Variants in RAPGEF2 observed in about 807,000 individuals in gnomAD.
RAPGEF2 encodes the protein PDZ domain containing guanine nucleotide exchange factor (GEF) 1.
Under a neutral mutation model 186.7 loss-of-function variants are expected in RAPGEF2, and 54 were observed. That is an observed-to-expected ratio of 0.29 (90% CI 0.23 to 0.36). RAPGEF2 has a LOEUF of 0.36. Among genes scored for constraint, RAPGEF2 ranks in the 10% least tolerant of loss-of-function variants. The pLI, the probability that RAPGEF2 is intolerant of heterozygous loss-of-function variation, is 1.00. For missense variants in RAPGEF2, 1,532 were observed against 2,045.0 expected, an observed-to-expected ratio of 0.75 and a Z score of 4.84; for synonymous variants, 712 against 705.9, an observed-to-expected ratio of 1.01 and a Z score of -0.14.
rs186993675 is a variant in RAPGEF2 at position 159,342,117 on chromosome 4, G to A, written c.2918+170G>A. 3.6e-3 allele frequency among the ~76,000 whole-genome samples: 540 copies of A among 149,188 alleles called. 8 individuals are homozygous for A. Among genetic ancestry groups the A allele is most frequent in the Admixed American group, 0.03 (452 of 15,028 alleles). On this transcript the variant is annotated intron_variant, in intron 20 of 29. Coordinates refer to ENST00000691494, the MANE Select transcript of RAPGEF2 (RefSeq NM_001394067.2). ...CTTAATCCTTAATTTAAAATCTCTC[G>A]TATCAAAAAAACAGCTGTGCCAACC...
At chr4:159,263,847 A>T (rs1432750148) in intron 7 of RAPGEF2, among the ~76,000 whole-genome samples, 1 of 152,176 alleles carries the variant, frequency 6.6e-6, no homozygotes, top group Non-Finnish European at 1.5e-5. Context: ...TAATGATATT[A>T]AATATAGCCT....
chr4:159,330,433 T>A lies in RAPGEF2; in HGVS notation c.1402T>A (p.Ser468Thr), dbSNP rs1050652478. The A allele has an allele frequency of 6.2e-7, 1 of 1,609,256 alleles. No homozygotes were observed. Among genetic ancestry groups the A allele is most frequent in the Non-Finnish European group, 8.5e-7 (1 of 1,178,768 alleles). The change falls in exon 13 of 30, where the codon TCT becomes ACT. Residue 468 changes from serine to threonine, a missense_variant. Ser to Thr is a moderately conservative substitution (Grantham distance 58). Transcript: ENST00000691494. ...DFLLTYRTFLSSPMEVGKKLL... is the reference protein window; with the variant it reads ...DFLLTYRTFLTSPMEVGKKLL... The stretch of plus-strand genomic sequence containing the variant: ...TCTGTTGACCTATAGGACTTTTCTT[T>A]CTAGCCCAATGGAAGTGGGCAAAAA...
At position 159,104,668 on chromosome 4, in the gene RAPGEF2, C is replaced by T. The variant is rs1332756396; in HGVS notation, c.69+437C>T. Among the ~76,000 whole-genome samples the T allele has an allele frequency of 5.3e-5, 8 of 152,126 alleles. No individual in the cohort carries two copies. In the East Asian group the frequency reaches 1.2e-3, roughly 22 times the overall value. On this transcript the variant is annotated intron_variant, in intron 1 of 29. Coordinates refer to ENST00000691494, the MANE Select transcript of RAPGEF2 (RefSeq NM_001394067.2). The stretch of plus-strand genomic sequence containing the variant: ...GGATGGAGTCTCATCTCCCCTCGGG[C>T]AGCGACTCTTGCTCCCTCTGACTCC...
intron 8 of RAPGEF2, among the ~76,000 whole-genome samples, chr4:159,312,014 G>A (rs1261685700): frequency 6.6e-6 from 1 of 152,136 alleles, no homozygotes; most frequent in Non-Finnish European, 1.5e-5. Context: ...TTTAAATAAA[G>A]TGGAAGGTTC....
At chr4:159,262,304 C>T (rs1756966042) in intron 7 of RAPGEF2, among the ~76,000 whole-genome samples, 1 of 152,122 alleles carries the variant, frequency 6.6e-6, no homozygotes, top group Admixed American at 6.5e-5. Flanking sequence ...TCATTGTGCT[C>T]ATGCAACATA....
chr4:159,163,930 C>T (rs1579344573), intron 1 of RAPGEF2, among the ~76,000 whole-genome samples: 1 of 151,866 alleles, frequency 6.6e-6, no homozygotes, highest in South Asian at 2.1e-4. Context: ...CATATCAGGG[C>T]TACTTGTGAG....
At chr4:159,242,318 C>T (rs1038232989) in intron 6 of RAPGEF2, among the ~76,000 whole-genome samples, 60 of 151,668 alleles carry the variant, frequency 4.0e-4, no homozygotes, top group African/African-American at 1.4e-3. Context: ...TAATTAACAA[C>T]TATTTTACAT....
intron 4 of RAPGEF2, among the ~76,000 whole-genome samples, chr4:159,213,598 C>T (rs1750728934): frequency 6.6e-6 from 1 of 152,168 alleles, no homozygotes; most frequent in South Asian, 2.1e-4. Context: ...TGTCATTTGG[C>T]TTCCAGATTT....
chr4:159,249,708 T>A (rs544027804), intron 7 of RAPGEF2, among the ~76,000 whole-genome samples: 87 of 152,162 alleles, frequency 5.7e-4, no homozygotes, highest in Middle Eastern at 3.4e-3. Flanking sequence ...ACTTTTTTTT[T>A]AAAAACTGAT....
chr4:159,248,591 A>G (rs912239004), intron 7 of RAPGEF2, among the ~76,000 whole-genome samples: 6 of 152,202 alleles, frequency 3.9e-5, no homozygotes, highest in African/African-American at 1.2e-4. Flanking sequence ...ATTTCTGGCA[A>G]AATGCAGCAT....
intron 4 of RAPGEF2, among the ~76,000 whole-genome samples, chr4:159,227,884 G>C (rs1347566988): frequency 6.6e-6 from 1 of 152,154 alleles, no homozygotes; most frequent in Non-Finnish European, 1.5e-5. Context: ...ATACAGTTCA[G>C]CATCTCTTTG....
At chr4:159,334,718 G>A (rs907178781) in intron 17 of RAPGEF2, among the ~76,000 whole-genome samples, 3 of 152,156 alleles carry the variant, frequency 2.0e-5, no homozygotes, top group African/African-American at 7.2e-5. Flanking sequence ...ACTGGATGTT[G>A]GAAAGGAACA....
At chr4:159,179,809 C>A (rs978013312) in intron 1 of RAPGEF2, among the ~76,000 whole-genome samples, 5 of 152,176 alleles carry the variant, frequency 3.3e-5, no homozygotes, top group African/African-American at 9.7e-5. Flanking sequence ...AATCTCCTCC[C>A]TTACAACTCC....
intron 1 of RAPGEF2, among the ~76,000 whole-genome samples, chr4:159,159,692 C>CTTT (rs1372977051): frequency 6.6e-6 from 1 of 152,160 alleles, no homozygotes; most frequent in Admixed American, 6.5e-5. Flanking sequence ...ATTTTAGTGA[C>CTTT]TTTTTCTCAG....
chr4:159,189,969 A>G (rs185073996), intron 2 of RAPGEF2, among the ~76,000 whole-genome samples: 215 of 152,294 alleles, frequency 1.4e-3, no homozygotes, highest in African/African-American at 4.8e-3. Context: ...ATTTGGATCA[A>G]TGTTACTTTA....
chr4:159,304,011 A>G (rs1440480983), intron 7 of RAPGEF2, among the ~76,000 whole-genome samples: 3 of 152,200 alleles, frequency 2.0e-5, no homozygotes, highest in Admixed American at 2.0e-4. Context: ...TGGCTAATAA[A>G]TAGTACTGTA....
At chr4:159,330,031 T>C (rs1766431898) in intron 12 of RAPGEF2, 21 bp downstream of exon 12, 3 of 1,578,358 alleles carry the variant, frequency 1.9e-6, no homozygotes, top group Non-Finnish European at 2.6e-6. Context: ...GGACCACTCC[T>C]TCCCAAGGAA....
chr4:159,192,389 A>G (rs1226972416), intron 2 of RAPGEF2, among the ~76,000 whole-genome samples: 1 of 152,218 alleles, frequency 6.6e-6, no homozygotes, highest in African/African-American at 2.4e-5. Context: ...CTAGTGTTTC[A>G]CAGGTTGGAG....
intron 4 of RAPGEF2, among the ~76,000 whole-genome samples, chr4:159,236,589 A>G (rs973907361): frequency 2.0e-5 from 3 of 152,176 alleles, no homozygotes; most frequent in Non-Finnish European, 4.4e-5. Flanking sequence ...ATTTTTTACT[A>G]TGTTACATTT....
Sources: allele counts gnomAD v4.1 joint callset (sites outside exome capture counted in the v4.1 genomes callset), GRCh38; gene constraint gnomAD v4.1.1; transcripts MANE v1.5; gene names NCBI Gene and HGNC (gene_info 2026-07-23, HGNC 2026-07-21).